The following ITPR2 variants were observed in gnomAD, a reference collection of about 807,000 sequenced individuals.
ITPR2 encodes the protein inositol 1,4,5-trisphosphate receptor type 2, also known as inositol 1,4,5-trisphosphate-gated calcium channel ITPR2.
Under a neutral mutation model 317.1 loss-of-function variants are expected in ITPR2, and 207 were observed. The observed-to-expected ratio is 0.65, with a 90% CI of 0.58 to 0.73. ITPR2 has a LOEUF of 0.73. Ranked by LOEUF, ITPR2 falls within the 30% of genes least tolerant of loss-of-function variation. The pLI is 0.00. For missense variants in ITPR2, 2,613 were observed against 3,284.0 expected (o/e 0.80, Z 4.99); for synonymous variants, 1,156 against 1,149.1 (o/e 1.01, Z -0.12).
At chr12:26,626,125 C>T (rs923307056) in intron 23 of ITPR2, among the ~76,000 whole-genome samples, 10 of 152,128 alleles carry the variant, frequency 6.6e-5, no homozygotes, top group African/African-American at 2.2e-4. Flanking sequence ...CCACTACTGG[C>T]TAATTTTTTT....
At chr12:26,459,259 A>G (rs1037748605) in intron 45 of ITPR2, among the ~76,000 whole-genome samples, 1 of 152,216 alleles carries the variant, frequency 6.6e-6, no homozygotes, top group African/African-American at 2.4e-5. Context: ...CTGTGCTGTA[A>G]TGCCACCAGT....
intron 51 of ITPR2, among the ~76,000 whole-genome samples, chr12:26,413,656 T>C (rs1050160436): frequency 1.9e-4 from 29 of 152,206 alleles, no homozygotes; most frequent in African/African-American, 6.8e-4. Context: ...TTAACTTTGT[T>C]AACTGTCCCC....
intron 37 of ITPR2, among the ~76,000 whole-genome samples, chr12:26,538,977 T>C (rs1297012596): frequency 6.6e-6 from 1 of 152,148 alleles, no homozygotes; most frequent in Non-Finnish European, 1.5e-5. Context: ...AGTGTGAAGA[T>C]CCAAGCAGAC....
chr12:26,711,399 A>G, intron 8 of ITPR2, 131 bp from the exon 9 acceptor site: 1 of 642,986 alleles, frequency 1.6e-6, no homozygotes. Flanking sequence ...CCATGAGAGC[A>G]TAATGTGGCA....
intron 1 of ITPR2, among the ~76,000 whole-genome samples, chr12:26,803,421 A>C (rs1462533700): frequency 6.6e-6 from 1 of 152,240 alleles, no homozygotes; most frequent in Non-Finnish European, 1.5e-5. Flanking sequence ...CAAACTGCAG[A>C]AGACAAAATG....
Position 26,712,037 on chromosome 12 carries a change from C to T in ITPR2, c.856-769G>A, listed in dbSNP as rs1437133798. Among the ~76,000 whole-genome samples, 3 of 152,294 alleles carry T rather than the reference C, an allele frequency of 2.0e-5. No individual in the cohort carries two copies. The East Asian group carries it at 5.8e-4, about 29-fold the overall frequency. On this transcript the variant is annotated intron_variant, in intron 8 of 56. Coordinates refer to ENST00000381340, the MANE Select transcript of ITPR2 (RefSeq NM_002223.4). Reference sequence around the variant, plus strand: ...TGAATGCAGTAGAAGCTCTGACACACCTGGTTATGACAGGCGGGATGGGCA... The same window carrying T: ...TGAATGCAGTAGAAGCTCTGACACATCTGGTTATGACAGGCGGGATGGGCA...
At chr12:26,697,235 T>G (rs11048658) in intron 9 of ITPR2, among the ~76,000 whole-genome samples, 12,570 of 152,100 alleles carry the variant, frequency 0.083, 568 homozygotes, top group Middle Eastern at 0.15. Context: ...ATTTAAAAAT[T>G]GAACAAAAGG....
chr12:26,659,504 T>C (rs1947448575), intron 15 of ITPR2, among the ~76,000 whole-genome samples: 1 of 152,236 alleles, frequency 6.6e-6, no homozygotes, highest in Non-Finnish European at 1.5e-5. Context: ...TAAAAAATTA[T>C]ACACCTAGAA....
At position 26,597,106 on chromosome 12, in the gene ITPR2, A is replaced by G. The variant is rs1945865771; in HGVS notation, c.4031T>C (p.Ile1344Thr). 1 of 1,613,900 alleles carries G rather than the reference A, an allele frequency of 6.2e-7. No homozygotes were observed. The highest frequency in any genetic ancestry group is 8.5e-7 in the Non-Finnish European group (1 of 1,179,990). The change falls in exon 31 of 57, where the codon ATA (isoleucine) becomes ACA (threonine). Residue 1344 changes from isoleucine (I) to threonine (T), a missense_variant. Physicochemically the swap from Ile to Thr is moderately conservative, Grantham distance 89. Coordinates refer to ENST00000381340, the MANE Select transcript of ITPR2 (RefSeq NM_002223.4). The part of the protein sequence containing the change: ...ELINGGEDVL[I>T]FYNDRASFPI... ...AAATGATGCTCTATCATTGTAAAAT[A>G]TCAGCACGTCTTCACCCCCATTTAT...
rs1028266957 is a variant in ITPR2, at chr12:26,832,319, G to A, written c.92+371C>T. 1.2e-4 allele frequency among the ~76,000 whole-genome samples: 19 copies of A among 152,242 alleles called. 1 individual carries two copies. Among genetic ancestry groups the A allele is most frequent in the Non-Finnish European group, 1.8e-4 (12 of 68,038 alleles). ...GGGCTGAGGACGGTAGCGAGAAACG[G>A]TGGAAAAGGGGGGTGTTTTGTTTTA... On this transcript the variant is annotated intron_variant, in intron 1 of 56. Coordinates refer to ENST00000381340, the MANE Select transcript of ITPR2 (RefSeq NM_002223.4).
At chr12:26,597,472 G>A (rs1232232259) in intron 30 of ITPR2, among the ~76,000 whole-genome samples, 2 of 152,106 alleles carry the variant, frequency 1.3e-5, no homozygotes. Flanking sequence ...GAGACTCCAT[G>A]GCCAAAGCAC....
At chr12:26,460,009 C>A (rs1209592497) in intron 45 of ITPR2, among the ~76,000 whole-genome samples, 1 of 152,216 alleles carries the variant, frequency 6.6e-6, no homozygotes, top group East Asian at 1.9e-4. Context: ...ATACCTAGAA[C>A]CATCCAAGAC....
intron 45 of ITPR2, among the ~76,000 whole-genome samples, chr12:26,447,273 A>C (rs1020789413): frequency 2.0e-5 from 3 of 152,118 alleles, no homozygotes; most frequent in African/African-American, 7.2e-5. Flanking sequence ...GTAAAGAAGA[A>C]GGGCAAATAA....
chr12:26,740,678 A>T (rs1949215328), intron 2 of ITPR2, among the ~76,000 whole-genome samples: 1 of 152,248 alleles, frequency 6.6e-6, no homozygotes, highest in South Asian at 2.1e-4. Context: ...GGAGGAAAAA[A>T]GATTTTCACT....
intron 53 of ITPR2, among the ~76,000 whole-genome samples, chr12:26,399,311 C>T (rs1055229301): frequency 2.0e-5 from 3 of 152,154 alleles, no homozygotes; most frequent in Non-Finnish European, 4.4e-5. Flanking sequence ...TTTATTATGC[C>T]ATTCTGCTAA....
At chr12:26,745,629 G>A (rs1949308497) in intron 2 of ITPR2, among the ~76,000 whole-genome samples, 1 of 152,094 alleles carries the variant, frequency 6.6e-6, no homozygotes, top group Admixed American at 6.5e-5. Flanking sequence ...AAGTCTATAG[G>A]GGAATTACAA....
chr12:26,577,460 T>G (rs1945301592), intron 34 of ITPR2, among the ~76,000 whole-genome samples: 1 of 152,258 alleles, frequency 6.6e-6, no homozygotes, highest in Admixed American at 6.5e-5. Flanking sequence ...ATATTTTATA[T>G]CCTTCAATAT....
intron 37 of ITPR2, among the ~76,000 whole-genome samples, chr12:26,504,070 C>A (rs540853239): frequency 2.0e-5 from 3 of 152,274 alleles, no homozygotes; most frequent in Admixed American, 2.0e-4. Context: ...GTTTCAATCA[C>A]CCCTATTACA....
intron 45 of ITPR2, among the ~76,000 whole-genome samples, chr12:26,453,806 A>C (rs1204370530): frequency 6.6e-6 from 1 of 152,254 alleles, no homozygotes; most frequent in Non-Finnish European, 1.5e-5. Context: ...GGGAAAAACT[A>C]GCAGAACAGA....
Sources: gnomAD v4.1 joint callset for allele counts (sites outside exome capture counted in the v4.1 genomes callset) on GRCh38, gnomAD v4.1.1 for gene constraint, MANE v1.5 for transcripts, NCBI Gene and HGNC (gene_info 2026-07-23, HGNC 2026-07-21) for gene names.